Variants in SCN1A observed in about 807,000 individuals in gnomAD.
The protein encoded by SCN1A is sodium voltage-gated channel alpha subunit 1, also known as sodium channel protein type 1 subunit alpha.
Under a neutral mutation model 193.7 loss-of-function variants are expected in SCN1A, and 13 were observed. The observed-to-expected ratio is 0.07, with a 90% confidence interval of 0.04 to 0.11. The LOEUF (loss-of-function observed/expected upper bound fraction) is 0.11. Among genes scored for constraint, SCN1A ranks in the 10% least tolerant of loss-of-function variants. SCN1A has a pLI of 1.00. For synonymous variants in SCN1A, 781 were observed against 843.6 expected (o/e 0.93, Z 1.29); for missense variants, 1,432 against 2,451.1 (o/e 0.58, Z 8.78).
At position 166,043,981 on chromosome 2, in the gene SCN1A, A is replaced by G; in HGVS notation, c.1731T>C (p.Phe577=). 6.2e-7 allele frequency: 1 copy of G among 1,614,158 alleles called. No individual in the cohort carries two copies. Among genetic ancestry groups the G allele is most frequent in the Non-Finnish European group, 8.5e-7 (1 of 1,180,014 alleles). Residue 577 remains phenylalanine (F), a synonymous_variant, in exon 14 of 29, where the codon TTT becomes TTC. Coordinates refer to ENST00000674923, the MANE Select transcript of SCN1A (RefSeq NM_001165963.4). Reference sequence around the variant, plus strand: ...ATCCCACATCCTTTGCTCGCCCTCTAAAGCTGAAAAGGCTTGTTCTGCTAT... The same window carrying G: ...ATCCCACATCCTTTGCTCGCCCTCTGAAGCTGAAAAGGCTTGTTCTGCTAT... ...RRNSRTSLFS[F]RGRAKDVGSE...
chr2:166,010,767 G>T (rs1303415166), intron 22 of SCN1A, among the ~76,000 whole-genome samples: 3 of 150,896 alleles, frequency 2.0e-5, no homozygotes, highest in Non-Finnish European at 3.0e-5. Flanking sequence ...TTTGAGATGT[G>T]CTGTAATTAG....
intron 19 of SCN1A, among the ~76,000 whole-genome samples, chr2:166,027,755 G>T (rs1270556431): frequency 6.6e-6 from 1 of 151,848 alleles, no homozygotes; most frequent in Non-Finnish European, 1.5e-5. Flanking sequence ...CTAAAATGAG[G>T]TTCTCTACAA....
rs769252766 is a variant in SCN1A, at chr2:166,127,924, A to T, written c.-382T>A. The T allele has an allele frequency of 6.6e-6, 1 of 152,126 alleles. No homozygotes were observed. The highest frequency in any genetic ancestry group is 1.5e-5 in the Non-Finnish European group (1 of 68,056). 9.4% of individuals were successfully genotyped at this position (152,126 alleles called of 1,614,324 possible). On this transcript the variant is annotated 5_prime_UTR_variant, in exon 1 of 29. It introduces an in-frame stop codon into an upstream open reading frame of the 5' UTR. Transcript: ENST00000674923. ...GGCTGCAGTCTCACTGGGGCAGAAC[A>T]CACAGACACACAAACACACACAAAC...
At chr2:166,041,611 T>G in intron 15 of SCN1A, 142 bp from the exon 16 acceptor site, 1 of 659,730 alleles carries the variant, frequency 1.5e-6, no homozygotes, top group South Asian at 1.9e-5. Context: ...GTTAAAAAAA[T>G]TACAGTTTAC....
chr2:166,136,281 C>T (rs554465510), intron 1 of SCN1A, among the ~76,000 whole-genome samples: 14 of 152,204 alleles, frequency 9.2e-5, no homozygotes, highest in African/African-American at 2.6e-4. Context: ...TGACCCCTGA[C>T]GTTTCTGCTT....
chr2:166,004,270 G>T (rs1274254203), intron 23 of SCN1A, among the ~76,000 whole-genome samples: 2 of 151,324 alleles, frequency 1.3e-5, no homozygotes, highest in East Asian at 1.9e-4. Context: ...TGAATATTTT[G>T]TCCACTATCC....
intron 4 of SCN1A, among the ~76,000 whole-genome samples, chr2:166,072,293 T>C (rs1213743561): frequency 6.6e-6 from 1 of 152,154 alleles, no homozygotes; most frequent in African/African-American, 2.4e-5. Flanking sequence ...TAATTTAAAA[T>C]CAATGCAATA....
chr2:166,023,150 G>A (rs1479212776), intron 19 of SCN1A, among the ~76,000 whole-genome samples: 2 of 152,208 alleles, frequency 1.3e-5, no homozygotes, highest in East Asian at 3.8e-4. Flanking sequence ...CATATATGCA[G>A]AATATGTGTA....
At chr2:166,141,546 G>C in intron 1 of SCN1A, among the ~76,000 whole-genome samples, 1 of 151,906 alleles carries the variant, frequency 6.6e-6, no homozygotes, top group East Asian at 1.9e-4. Context: ...TTTTTAAAAA[G>C]AAAGAAAAAC....
intron 19 of SCN1A, among the ~76,000 whole-genome samples, chr2:166,019,755 A>G (rs1476823579): frequency 6.6e-6 from 1 of 152,178 alleles, no homozygotes; most frequent in Non-Finnish European, 1.5e-5. Flanking sequence ...TGTATGGTGA[A>G]TGACTAACAA....
chr2:166,136,931 C>A (rs1182516750), intron 1 of SCN1A, among the ~76,000 whole-genome samples: 3 of 152,168 alleles, frequency 2.0e-5, no homozygotes, highest in African/African-American at 7.2e-5. Flanking sequence ...GGGCTGCATT[C>A]AAAGCCAACG....
intron 19 of SCN1A, among the ~76,000 whole-genome samples, chr2:166,020,531 T>C (rs1362888582): frequency 6.6e-6 from 1 of 152,214 alleles, no homozygotes; most frequent in African/African-American, 2.4e-5. Flanking sequence ...GAATAAGTTA[T>C]GTTTATTTTC....
intron 5 of SCN1A, 96 bp downstream of exon 5, chr2:166,058,474 T>C: frequency 1.4e-6 from 1 of 719,714 alleles, no homozygotes; most frequent in East Asian, 2.6e-5. Flanking sequence ...GAAAACTATA[T>C]AATATGGACA....
At chr2:166,115,166 T>C (rs932483443) in intron 2 of SCN1A, among the ~76,000 whole-genome samples, 13 of 152,102 alleles carry the variant, frequency 8.5e-5, no homozygotes, top group Admixed American at 8.5e-4. Flanking sequence ...AAGACCAGCC[T>C]GGTCAACATG....
At position 166,046,759 on chromosome 2, in the gene SCN1A, G is replaced by A. The variant is rs1697874553; in HGVS notation, c.1377+11C>T. ...ATAAAAGGTCAGTGCCATGAGACAG[G>A]GCAGCTTTACCTGAGCTGCCTCCTG... On this transcript the variant is annotated intron_variant, in intron 12 of 28. Coordinates refer to ENST00000674923, the MANE Select transcript of SCN1A (RefSeq NM_001165963.4). 1 of 1,612,842 alleles carries A rather than the reference G, an allele frequency of 6.2e-7. No individual in the cohort carries two copies. The highest frequency in any genetic ancestry group is 8.5e-7 in the Non-Finnish European group (1 of 1,179,214).
intron 19 of SCN1A, among the ~76,000 whole-genome samples, chr2:166,025,351 G>A (rs957981049): frequency 6.6e-6 from 1 of 152,152 alleles, no homozygotes; most frequent in Non-Finnish European, 1.5e-5. Flanking sequence ...TCAGCAACTA[G>A]AGGCCACCCA....
intron 10 of SCN1A, 139 bp downstream of exon 10, chr2:166,048,747 C>CA: frequency 1.5e-6 from 1 of 661,012 alleles, no homozygotes; most frequent in Admixed American, 2.6e-5. Context: ...CATACTTTAT[C>CA]AAAAACCTTA....
At position 166,121,133 on chromosome 2, in the gene SCN1A, A is replaced by G. The variant is rs78653557; in HGVS notation, c.-142+5791T>C. On this transcript the variant is annotated intron_variant, in intron 2 of 28. Transcript: ENST00000674923. ...GGAAAAAAAAGAAAAAAAAAAAAAA[A>G]GAAAAAGAAAGAAAGACAAAGAGCC... Among the ~76,000 whole-genome samples the G allele has an allele frequency of 2.7e-5, 4 of 150,504 alleles. No individual in the cohort carries two copies. The South Asian group carries it at 8.4e-4, about 31-fold the overall frequency.
chr2:166,145,934 G>A (rs1023368076), intron 1 of SCN1A, among the ~76,000 whole-genome samples: 2 of 152,104 alleles, frequency 1.3e-5, no homozygotes, highest in African/African-American at 4.8e-5. Context: ...GAAAAATTTG[G>A]AGTGTTCAGA....
Sources: allele counts gnomAD v4.1 joint callset (sites outside exome capture counted in the v4.1 genomes callset), GRCh38; gene constraint gnomAD v4.1.1; transcripts MANE v1.5; gene names NCBI Gene and HGNC (gene_info 2026-07-23, HGNC 2026-07-21).